The following MRE11 variants were observed in gnomAD, a reference collection of about 807,000 sequenced individuals.
MRE11 encodes the protein double-strand break repair protein MRE11.
MRE11 carries 62 observed loss-of-function variants against 91.7 expected under a neutral mutation model. The ratio of observed to expected loss-of-function variants is 0.68; its 90% confidence interval spans 0.55 to 0.84. The LOEUF (loss-of-function observed/expected upper bound fraction) is 0.84. Among genes scored for constraint, MRE11 ranks in the 40% least tolerant of loss-of-function variants. The probability of loss-of-function intolerance (pLI) is 0.00; values close to 1 mark genes in which losing one functional copy is unlikely to be tolerated. For missense variants in MRE11, 796 were observed against 852.9 expected (o/e 0.93, Z 0.83); for synonymous variants, 273 against 271.4 (o/e 1.01, Z -0.06).
intron 10 of MRE11, chr11:94,466,622 A>G: frequency 2.6e-6 from 1 of 383,712 alleles, no homozygotes; most frequent in Non-Finnish European, 5.6e-6. Context: ...AGGTCATACA[A>G]CTAGTGGTTG....
chr11:94,487,355 C>T (rs919086245), intron 3 of MRE11, among the ~76,000 whole-genome samples: 2 of 152,224 alleles, frequency 1.3e-5, no homozygotes, highest in Non-Finnish European at 2.9e-5. Context: ...ACACGACTCA[C>T]TTCTGTGGTA....
chr11:94,446,009 G>T, intron 15 of MRE11, 116 bp from the exon 16 acceptor site: 1 of 784,208 alleles, frequency 1.3e-6, no homozygotes, highest in Non-Finnish European at 2.2e-6. Context: ...TCTGTAAAAA[G>T]CCAGACATAT....
chr11:94,473,369 G>C (rs1385192781), intron 7 of MRE11: 1 of 152,092 alleles, frequency 6.6e-6, no homozygotes, highest in African/African-American at 2.4e-5. Flanking sequence ...GATGCTGGTA[G>C]GCTGACTGTA....
At position 94,417,844 on chromosome 11, in the gene MRE11, A is replaced by C. The variant is rs1020194334; in HGVS notation, c.*2281T>G. ...TCCTAAATGCTTGAATTTTCTAAGC[A>C]CCACTTATATTTTCAAGAATTTCCT... On this transcript the variant is annotated 3_prime_UTR_variant, in exon 20 of 20. Coordinates refer to ENST00000323929, the MANE Select transcript of MRE11 (RefSeq NM_005591.4). 2 of 233,002 alleles carry C rather than the reference A, an allele frequency of 8.6e-6. No homozygotes were observed. The highest frequency in any genetic ancestry group is 1.7e-5 in the Non-Finnish European group (2 of 117,980). The allele number at this position is 233,002 out of a possible 1,614,324, so 14.4% of individuals were successfully genotyped here.
chr11:94,502,734 C>A, the MRE11 span, among the ~76,000 whole-genome samples: 1 of 152,210 alleles, frequency 6.6e-6, no homozygotes, highest in East Asian at 1.9e-4. Flanking sequence ...AGTGCACTGG[C>A]ATGATCTCAG....
chr11:94,443,085 T>C (rs756519709), intron 16 of MRE11, among the ~76,000 whole-genome samples: 1 of 152,246 alleles, frequency 6.6e-6, no homozygotes, highest in Non-Finnish European at 1.5e-5. Context: ...TGATTTTGTA[T>C]CTTTTCTTCA....
chr11:94,469,392 T>A (rs1946649231), intron 9 of MRE11, among the ~76,000 whole-genome samples: 1 of 152,108 alleles, frequency 6.6e-6, no homozygotes, highest in African/African-American at 2.4e-5. Context: ...CAAAGAATTA[T>A]TAGTACAAAA....
upstream of MRE11, among the ~76,000 whole-genome samples, chr11:94,495,615 T>C (rs2135159330): frequency 6.6e-6 from 1 of 152,346 alleles, no homozygotes. Flanking sequence ...TCTCCTTTTC[T>C]TTAATTGATT....
upstream of MRE11, among the ~76,000 whole-genome samples, chr11:94,495,425 A>G (rs959606985): frequency 3.9e-5 from 6 of 152,210 alleles, no homozygotes; most frequent in Non-Finnish European, 8.8e-5. Flanking sequence ...TAAAACAAGA[A>G]CAAAGTTAGA....
intron 13 of MRE11, among the ~76,000 whole-genome samples, chr11:94,457,887 TCACA>T (rs1555008822): frequency 1.4e-5 from 2 of 144,212 alleles, no homozygotes; most frequent in African/African-American, 2.6e-5. Flanking sequence ...TCTCTCTCTC[TCACA>T]CACACACACA....
In MRE11 at chr11:94,420,201, T is replaced by G; in HGVS notation, c.2071-20A>C. On this transcript the variant is annotated intron_variant, in intron 19 of 19. Coordinates refer to ENST00000323929, the MANE Select transcript of MRE11 (RefSeq NM_005591.4). ...ATCATCCTGAAATGAGATACAAATG[T>G]TGTATTAGTGATTGTTCCCTGCTTC... 6.4e-7 allele frequency: 1 copy of G among 1,574,708 alleles called. No homozygotes were observed. Among genetic ancestry groups the G allele is most frequent in the Non-Finnish European group, 8.7e-7 (1 of 1,154,558 alleles).
chr11:94,463,372 G>A (rs1044615703), intron 11 of MRE11, among the ~76,000 whole-genome samples: 4 of 152,176 alleles, frequency 2.6e-5, no homozygotes, highest in African/African-American at 9.7e-5. Context: ...AGACAGTGTG[G>A]TGATTCCTCA....
chr11:94,495,041 A>C (rs1467273965), upstream of MRE11, among the ~76,000 whole-genome samples: 3 of 152,128 alleles, frequency 2.0e-5, no homozygotes, highest in Non-Finnish European at 4.4e-5. Context: ...GGTGACTGAA[A>C]AGCCGGATTG....
chr11:94,443,976 C>T (rs540202218), intron 16 of MRE11, among the ~76,000 whole-genome samples: 6 of 144,218 alleles, frequency 4.2e-5, no homozygotes, highest in African/African-American at 1.0e-4. Flanking sequence ...GGCATGATCT[C>T]GGCTCACTGC....
chr11:94,462,593 C>T (rs1193839431), intron 11 of MRE11, among the ~76,000 whole-genome samples: 3 of 152,008 alleles, frequency 2.0e-5, no homozygotes, highest in African/African-American at 7.2e-5. Context: ...TATAGACCAA[C>T]GGAACAGAAC....
intron 19 of MRE11, among the ~76,000 whole-genome samples, chr11:94,423,751 G>A (rs187392461): frequency 6.6e-6 from 1 of 152,336 alleles, no homozygotes; most frequent in African/African-American, 2.4e-5. Flanking sequence ...CACAGCTGGT[G>A]CCTGACCCTG....
At chr11:94,476,440 T>C (rs368558099) in intron 6 of MRE11, 37 bp from the exon 7 acceptor site, 3 of 1,362,132 alleles carry the variant, frequency 2.2e-6, no homozygotes, top group Non-Finnish European at 3.1e-6. Context: ...AATTGTTTTC[T>C]TACTTCGGCT....
chr11:94,429,106 A>G (rs2134784990), intron 19 of MRE11, among the ~76,000 whole-genome samples: 1 of 152,332 alleles, frequency 6.6e-6, no homozygotes, highest in Non-Finnish European at 1.5e-5. Context: ...TATCATCACT[A>G]ATCATCGGAG....
the MRE11 span, among the ~76,000 whole-genome samples, chr11:94,503,937 A>C: frequency 6.6e-6 from 1 of 152,170 alleles, no homozygotes; most frequent in Non-Finnish European, 1.5e-5. Flanking sequence ...TCTAGAAATA[A>C]ATCCAGATAT....
Sources: gnomAD v4.1 joint callset for allele counts (sites outside exome capture counted in the v4.1 genomes callset) on GRCh38, gnomAD v4.1.1 for gene constraint, MANE v1.5 for transcripts, NCBI Gene and HGNC (gene_info 2026-07-23, HGNC 2026-07-21) for gene names.